The following HARS2 variants were observed in gnomAD, a reference collection of about 807,000 sequenced individuals.
HARS2 encodes histidine--tRNA ligase, mitochondrial.
In HARS2, 40 loss-of-function variants were observed where a neutral mutation model predicts 62.4. That is an observed-to-expected ratio of 0.64 (90% confidence interval 0.50 to 0.83). HARS2 has a LOEUF of 0.83. Ranked by LOEUF, HARS2 falls within the 40% of genes least tolerant of loss-of-function variation. The pLI, the probability that HARS2 is intolerant of heterozygous loss-of-function variation, is 0.00. For synonymous variants in HARS2, 228 were observed against 227.0 expected, an observed-to-expected ratio of 1.00 and a Z score of -0.04; for missense variants, 569 against 626.4, an observed-to-expected ratio of 0.91 and a Z score of 0.98.
chr5:140,693,059 CT>C lies in HARS2; in HGVS notation c.109-531del, dbSNP rs2149850449. Among the ~76,000 whole-genome samples, 2 of 152,074 alleles carry C rather than the reference CT, an allele frequency of 1.3e-5. 1 individual carries two copies. The highest frequency in any genetic ancestry group is 2.9e-5 in the Non-Finnish European group (2 of 68,000). ...TGAGAATATTAAAAATGCGGCTGAG[CT>C]CGGTGGCTCATGTCTGTAATCCCAG... On this transcript the variant is annotated intron_variant, in intron 1 of 12. Coordinates refer to ENST00000230771, the MANE Select transcript of HARS2 (RefSeq NM_012208.4).
chr5:140,691,686 C>G lies in HARS2; in HGVS notation c.38C>G (p.Ala13Gly). The change falls in exon 1 of 13, where the codon GCT becomes GGT. Residue 13 changes from alanine (A) to glycine (G), a missense_variant. Physicochemically the swap from Ala to Gly is moderately conservative, Grantham distance 60 (BLOSUM62 0). Coordinates refer to ENST00000230771, the MANE Select transcript of HARS2 (RefSeq NM_012208.4). ...GGACTTCTTCCCAGGAGGGCCTGGG[C>G]TTCGCTGCTCAGCCAGCTCCTGCGA... Reference protein sequence around the residue: ...LLGLLPRRAWASLLSQLLRPP... With the variant: ...LLGLLPRRAWGSLLSQLLRPP... 2 of 1,551,776 alleles carry G rather than the reference C, an allele frequency of 1.3e-6. No homozygotes were observed. Among genetic ancestry groups the G allele is most frequent in the African/African-American group, 1.4e-5 (1 of 73,244 alleles).
chr5:140,693,712 T>C (rs1181165592), intron 2 of HARS2, 47 bp downstream of exon 2: 1 of 1,450,198 alleles, frequency 6.9e-7, no homozygotes, highest in East Asian at 2.3e-5. Flanking sequence ...CTTGGAGGAC[T>C]GACCTCTGCC....
Position 140,697,644 on chromosome 5 carries a change from C to T in HARS2, c.1273C>T (p.Arg425Trp), listed in dbSNP as rs563477361. The T allele has an allele frequency of 9.9e-6, 16 of 1,613,678 alleles. No homozygotes were observed. Among genetic ancestry groups the T allele is most frequent in the Middle Eastern group, 1.7e-4 (1 of 6,060 alleles). ...ACCACAGAAGAACTTTCTCCAAGAACGGTTGAAGCTTATTGCAGAGCTTTG... is the reference window on the plus strand; with the variant it reads ...ACCACAGAAGAACTTTCTCCAAGAATGGTTGAAGCTTATTGCAGAGCTTTG... ...ATPQKNFLQE[R>W]LKLIAELWDS... Residue 425 changes from arginine (R) to tryptophan (W), a missense_variant, in exon 11 of 13, where the codon CGG becomes TGG. Transcript: ENST00000230771.
At position 140,698,508 on chromosome 5, in the gene HARS2, G is replaced by T. The variant is rs764417743; in HGVS notation, c.1477G>T (p.Glu493Ter). 1.9e-6 allele frequency: 3 copies of T among 1,612,446 alleles called. No homozygotes were observed. The Admixed American group carries it at 5.0e-5, about 27-fold the overall frequency. Residue 493 changes from glutamate to a stop codon, truncating the protein, a stop_gained, in exon 13 of 13, where the codon GAA becomes TAA. Coordinates refer to ENST00000230771, the MANE Select transcript of HARS2 (RefSeq NM_012208.4). LOFTEE classifies it high-confidence loss of function. ...TATGTTTCAGGTGGCCATTAAACGG[G>T]AAAATTTTGTGGCTGAAATTCAGAA... ...ASREEVAIKR[E>*]NFVAEIQKRL...
At position 140,691,553 on chromosome 5, in the gene HARS2, C is replaced by G; in HGVS notation, c.-96C>G. 1.2e-6 allele frequency: 1 copy of G among 862,924 alleles called. No homozygotes were observed. Among genetic ancestry groups the G allele is most frequent in the Non-Finnish European group, 1.9e-6 (1 of 527,880 alleles). 53.5% of individuals were successfully genotyped at this position (862,924 alleles called of 1,614,324 possible). On this transcript the variant is annotated 5_prime_UTR_variant, in exon 1 of 13. Coordinates refer to ENST00000230771, the MANE Select transcript of HARS2 (RefSeq NM_012208.4). ...CCGAGTTTTCCCTGGTGCGCGGGTT[C>G]CGCCTTTGCAGTGCCCTCCACCCTT...
chr5:140,697,800 A>G lies in HARS2; in HGVS notation c.1314+115A>G. 3 of 1,219,106 alleles carry G rather than the reference A, an allele frequency of 2.5e-6. No homozygotes were observed. In the South Asian group the frequency reaches 3.6e-5, roughly 15 times the overall value. The allele number at this position is 1,219,106 out of a possible 1,614,324, so 75.5% of individuals were successfully genotyped here. ...AAACCTTTTTAGTCTGCTAGCTACT[A>G]CTGGCTACTAGATTGGCTTTTTAGG... On this transcript the variant is annotated intron_variant, in intron 11 of 12. Transcript: ENST00000230771.
intron 7 of HARS2, 32 bp downstream of exon 7, chr5:140,696,233 A>G (rs371213508): frequency 4.3e-6 from 6 of 1,403,852 alleles, no homozygotes; most frequent in South Asian, 1.1e-5. Flanking sequence ...AGTAGACCCT[A>G]TCTAGCTTCT....
At position 140,698,750 on chromosome 5, in the gene HARS2, A is replaced by G. The variant is rs547068219; in HGVS notation, c.*198A>G. 4 of 622,622 alleles carry G rather than the reference A, an allele frequency of 6.4e-6. No individual in the cohort carries two copies. The highest frequency in any genetic ancestry group is 5.4e-5 in the South Asian group (3 of 55,738). The allele number at this position is 622,622 out of a possible 1,614,324, so 38.6% of individuals were successfully genotyped here. The stretch of plus-strand genomic sequence containing the variant: ...GGGCTAGTGTGAGCAGCTATTCTGC[A>G]TGGGTGCAGATGGCTGGATGTGAAA... On this transcript the variant is annotated 3_prime_UTR_variant, in exon 13 of 13. Transcript: ENST00000230771.
Position 140,698,615 on chromosome 5 carries a change from C to T in HARS2, c.*63C>T. 7.9e-7 allele frequency: 1 copy of T among 1,258,138 alleles called. No individual in the cohort carries two copies. The highest frequency in any genetic ancestry group is 1.2e-6 in the Non-Finnish European group (1 of 854,352). 77.9% of individuals were successfully genotyped at this position (1,258,138 alleles called of 1,614,324 possible). A position where few individuals can be genotyped will look rare whatever the true frequency, so the allele number is the denominator to read the frequency against. Reference sequence around the variant, plus strand: ...AGGTTTCCTCTAGAACTGAATTCCTCTGGAATTGAGTGATGGACTTCACAA... The same window carrying T: ...AGGTTTCCTCTAGAACTGAATTCCTTTGGAATTGAGTGATGGACTTCACAA... On this transcript the variant is annotated 3_prime_UTR_variant, in exon 13 of 13. Transcript: ENST00000230771.
Position 140,696,504 on chromosome 5 carries a change from T to C in HARS2, c.733-17T>C. On this transcript the variant is annotated splice_polypyrimidine_tract_variant and intron_variant, in intron 7 of 12. Coordinates refer to ENST00000230771, the MANE Select transcript of HARS2 (RefSeq NM_012208.4). ...GAAAGATCTTGGGGCTGGGCTAATG[T>C]TTGGGTGTTTATGCAGATGGCTTGG... is the stretch of plus-strand genomic sequence containing the variant. 1 of 1,584,276 alleles carries C rather than the reference T, an allele frequency of 6.3e-7. No individual in the cohort carries two copies.
chr5:140,697,442 C>T, intron 10 of HARS2, 36 bp downstream of exon 10: 1 of 1,613,464 alleles, frequency 6.2e-7, no homozygotes, highest in Non-Finnish European at 8.5e-7. Context: ...GGGCTGGAGA[C>T]CTAAAAACCC....
At chr5:140,696,250 C>T (rs1394074878) in intron 7 of HARS2, 49 bp downstream of exon 7, 1 of 1,276,470 alleles carries the variant, frequency 7.8e-7, no homozygotes, top group Non-Finnish European at 1.1e-6. Context: ...TTCTGCCCTG[C>T]CCTCAAATCC....
chr5:140,693,206 G>C (rs759321751), intron 1 of HARS2, among the ~76,000 whole-genome samples: 2 of 151,496 alleles, frequency 1.3e-5, no homozygotes, highest in African/African-American at 4.9e-5. Flanking sequence ...GTGGTGGCGC[G>C]CCTGTAGTCC....
intron 11 of HARS2, 73 bp downstream of exon 11, chr5:140,697,758 GTCT>G (rs1479367726): frequency 7.7e-7 from 1 of 1,300,538 alleles, no homozygotes; most frequent in East Asian, 2.3e-5. Context: ...TCTATCTTAT[GTCT>G]GGGGTGGAAC....
At chr5:140,692,216 T>G in intron 1 of HARS2, 1 of 190,780 alleles carries the variant, frequency 5.2e-6, no homozygotes, top group Non-Finnish European at 1.1e-5. Flanking sequence ...TTTTGGATTT[T>G]GGAATTGCAG....
Position 140,695,508 on chromosome 5 carries a change from G to T in HARS2, c.400G>T (p.Val134Phe), listed in dbSNP as rs774685835. ...ELLSLRYDLT[V>F]PFARYLAMNK... ...CTCTTCCTTAACCCATTTATGTGAG[G>T]TTCCCTTTGCTCGTTATCTGGCCAT... The change falls in exon 5 of 13, where the codon GTT becomes TTT. Residue 134 changes from valine to phenylalanine, a missense_variant and splice_region_variant. Coordinates refer to ENST00000230771, the MANE Select transcript of HARS2 (RefSeq NM_012208.4). The T allele has an allele frequency of 6.2e-7, 1 of 1,614,080 alleles. No individual in the cohort carries two copies. Among genetic ancestry groups the T allele is most frequent in the Non-Finnish European group, 8.5e-7 (1 of 1,180,010 alleles).
chr5:140,692,904 AAAT>A (rs1431045897), intron 1 of HARS2, among the ~76,000 whole-genome samples: 7 of 151,880 alleles, frequency 4.6e-5, no homozygotes, highest in African/African-American at 1.7e-4. Flanking sequence ...AAAAAAAAAA[AAAT>A]TATTTTTGCT....
Position 140,698,090 on chromosome 5 carries a change from C to T in HARS2, c.1461+12C>T. 1 of 1,613,214 alleles carries T rather than the reference C, an allele frequency of 6.2e-7. No individual in the cohort carries two copies. The highest frequency in any genetic ancestry group is 8.5e-7 in the Non-Finnish European group (1 of 1,179,210). On this transcript the variant is annotated intron_variant, in intron 12 of 12. Transcript: ENST00000230771. ...CCAGCAGAGAGGAGGTGAGTGGCGGCAGCAGAAATAGAAGGGACGAAGTAT... is the reference window on the plus strand; with the variant it reads ...CCAGCAGAGAGGAGGTGAGTGGCGGTAGCAGAAATAGAAGGGACGAAGTAT...
chr5:140,698,615 CTG>C lies in HARS2; in HGVS notation c.*64_*65del. The C allele has an allele frequency of 7.9e-7, 1 of 1,258,138 alleles. No individual in the cohort carries two copies. The highest frequency in any genetic ancestry group is 1.2e-6 in the Non-Finnish European group (1 of 854,352). 77.9% of individuals were successfully genotyped at this position (1,258,138 alleles called of 1,614,324 possible). A position where few individuals can be genotyped will look rare whatever the true frequency, so the allele number is the denominator to read the frequency against. ...AGGTTTCCTCTAGAACTGAATTCCT[CTG>C]GAATTGAGTGATGGACTTCACAACA... On this transcript the variant is annotated 3_prime_UTR_variant, in exon 13 of 13. Transcript: ENST00000230771.
Sources: allele counts gnomAD v4.1 joint callset (sites outside exome capture counted in the v4.1 genomes callset), GRCh38; gene constraint gnomAD v4.1.1; transcripts MANE v1.5; gene names NCBI Gene and HGNC (gene_info 2026-07-23, HGNC 2026-07-21).